The following BABAM2 variants were observed in gnomAD, a reference collection of about 807,000 sequenced individuals.
BABAM2 encodes the protein BRISC and BRCA1-A complex member 2.
In BABAM2, 31 loss-of-function variants were observed where a neutral mutation model predicts 54.7. The observed-to-expected ratio is 0.57, with a 90% CI of 0.43 to 0.77. The LOEUF (loss-of-function observed/expected upper bound fraction) is 0.77, where lower values mean the gene tolerates loss of function less well. BABAM2 is among the 30% of genes least tolerant of loss of function. The pLI is 0.00. For missense variants in BABAM2, 364 were observed against 455.8 expected (o/e 0.80, Z 1.83); for synonymous variants, 167 against 162.9 (o/e 1.03, Z -0.19).
intron 11 of BABAM2, among the ~76,000 whole-genome samples, chr2:28,328,871 A>G (rs1002723784): frequency 6.6e-6 from 1 of 152,040 alleles, no homozygotes; most frequent in Admixed American, 6.5e-5. Flanking sequence ...CCAGTCCCCA[A>G]CCTCTTTGGG....
At chr2:27,990,159 C>T (rs1672677309) in intron 4 of BABAM2, among the ~76,000 whole-genome samples, 1 of 152,160 alleles carries the variant, frequency 6.6e-6, no homozygotes, top group Non-Finnish European at 1.5e-5. Context: ...CTACCCAGGG[C>T]TTCTTCATGG....
chr2:28,194,957 A>T (rs1677362203), intron 7 of BABAM2, among the ~76,000 whole-genome samples: 2 of 152,190 alleles, frequency 1.3e-5, no homozygotes, highest in Admixed American at 1.3e-4. Flanking sequence ...CCGCCTCCCA[A>T]AGTGCTGGGA....
At chr2:28,233,159 T>C (rs1430565170) in intron 7 of BABAM2, 1 of 470,818 alleles carries the variant, frequency 2.1e-6, no homozygotes, top group Non-Finnish European at 4.4e-6. Flanking sequence ...CCTGAGCCCT[T>C]GCCACACGGA....
intron 2 of BABAM2, among the ~76,000 whole-genome samples, chr2:27,924,866 A>G (rs1041041961): frequency 1.3e-5 from 2 of 152,212 alleles, no homozygotes; most frequent in African/African-American, 4.8e-5. Context: ...CTATACACCT[A>G]TTTATCCTAG....
chr2:27,956,060 A>G (rs562846412), intron 3 of BABAM2, among the ~76,000 whole-genome samples: 103 of 152,216 alleles, frequency 6.8e-4, no homozygotes, highest in Middle Eastern at 3.4e-3. Context: ...AGAGGATACA[A>G]CCTCATGCAT....
At chr2:28,137,536 C>G (rs1294347339) in intron 7 of BABAM2, among the ~76,000 whole-genome samples, 1 of 152,066 alleles carries the variant, frequency 6.6e-6, no homozygotes, top group African/African-American at 2.4e-5. Context: ...CCTGTGCCTC[C>G]CAAAAGATCA....
chr2:28,105,593 T>G (rs115979327), intron 6 of BABAM2, among the ~76,000 whole-genome samples: 4,014 of 152,286 alleles, frequency 0.026, 67 homozygotes, highest in African/African-American at 0.034. Context: ...GTTCAAATCT[T>G]CAAAATAGAA....
intron 6 of BABAM2, among the ~76,000 whole-genome samples, chr2:28,119,400 C>T (rs754955386): frequency 6.6e-6 from 1 of 152,212 alleles, no homozygotes; most frequent in Admixed American, 6.5e-5. Context: ...CACCCAACCT[C>T]TCTGGCCTCC....
intron 2 of BABAM2, among the ~76,000 whole-genome samples, chr2:27,909,068 A>C (rs1666394679): frequency 6.6e-6 from 1 of 151,772 alleles, no homozygotes; most frequent in Non-Finnish European, 1.5e-5. Context: ...TTTGAGACAG[A>C]GTCTCACTCT....
chr2:28,008,033 C>A (rs1310917540), intron 4 of BABAM2, among the ~76,000 whole-genome samples: 1 of 151,860 alleles, frequency 6.6e-6, no homozygotes, highest in Admixed American at 6.6e-5. Context: ...ATTTGAGTGC[C>A]CATTTTGAAT....
At chr2:28,090,760 A>G (rs1364512609) in intron 6 of BABAM2, among the ~76,000 whole-genome samples, 1 of 152,124 alleles carries the variant, frequency 6.6e-6, no homozygotes, top group East Asian at 1.9e-4. Flanking sequence ...AGCCAACCAA[A>G]GGGCCCAGGG....
At chr2:27,983,736 A>G (rs1364096842) in intron 3 of BABAM2, among the ~76,000 whole-genome samples, 2 of 151,968 alleles carry the variant, frequency 1.3e-5, no homozygotes, top group South Asian at 2.1e-4. Flanking sequence ...ATGGAATTTT[A>G]AAAAATTATT....
chr2:28,242,677 C>G (rs544232784), intron 9 of BABAM2, among the ~76,000 whole-genome samples: 1 of 151,860 alleles, frequency 6.6e-6, no homozygotes, highest in African/African-American at 2.4e-5. Flanking sequence ...GATTTGTCAC[C>G]CTCTGGGATA....
chr2:28,235,634 C>T (rs1284809329), intron 7 of BABAM2, among the ~76,000 whole-genome samples: 3 of 151,780 alleles, frequency 2.0e-5, no homozygotes, highest in Admixed American at 6.6e-5. Context: ...GTCAAAGTGC[C>T]CTAAACTCTT....
intron 3 of BABAM2, among the ~76,000 whole-genome samples, chr2:27,930,524 G>A (rs1668019129): frequency 6.6e-6 from 1 of 152,216 alleles, no homozygotes; most frequent in Non-Finnish European, 1.5e-5. Flanking sequence ...TACCTTTACT[G>A]ATTTATTGAG....
chr2:28,025,535 CTA>C (rs1675591513), intron 5 of BABAM2, 115 bp downstream of exon 5: 6 of 1,001,492 alleles, frequency 6.0e-6, no homozygotes, highest in African/African-American at 1.7e-5. Context: ...TCCAGGTAGC[CTA>C]TATGTTTCTC....
chr2:28,244,804 A>C lies in BABAM2; in HGVS notation c.876A>C (p.Glu292Asp). 2.5e-6 allele frequency: 4 copies of C among 1,613,998 alleles called. No homozygotes were observed. Among genetic ancestry groups the C allele is most frequent in the Non-Finnish European group, 3.4e-6 (4 of 1,179,984 alleles). ...GAGGTGTCGTGGAATATGATGCAGA[A>C]GGCTTTACAAAACTCACTCTGCTGC... ...FGTGVVEYDA[E>D]GFTKLTLLLM... Residue 292 changes from glutamate to aspartate, a missense_variant, in exon 10 of 12, where the codon GAA becomes GAC. Coordinates refer to ENST00000379624, the MANE Select transcript of BABAM2 (RefSeq NM_199191.3).
At chr2:28,052,741 G>A (rs1678093771) in intron 6 of BABAM2, among the ~76,000 whole-genome samples, 1 of 152,166 alleles carries the variant, frequency 6.6e-6, no homozygotes, top group Non-Finnish European at 1.5e-5. Flanking sequence ...TATATTGTTA[G>A]GAGAAATAGG....
intron 10 of BABAM2, among the ~76,000 whole-genome samples, chr2:28,281,291 C>T (rs1168925443): frequency 2.0e-5 from 3 of 152,138 alleles, no homozygotes; most frequent in Admixed American, 6.5e-5. Context: ...ACGTGTAGGA[C>T]AGATAGAAGG....
Sources: allele counts gnomAD v4.1 joint callset (sites outside exome capture counted in the v4.1 genomes callset), GRCh38; gene constraint gnomAD v4.1.1; transcripts MANE v1.5; gene names NCBI Gene and HGNC (gene_info 2026-07-23, HGNC 2026-07-21).